Variants in ARL15 observed in about 807,000 individuals in gnomAD.
ARL15 encodes the protein ARF like GTPase 15, also known as ADP-ribosylation factor-like protein 15.
In ARL15, 19 loss-of-function variants were observed where a neutral mutation model predicts 25.2. That is an observed-to-expected ratio of 0.75 (90% CI 0.53 to 1.10). The LOEUF is 1.10. Among genes scored for constraint, ARL15 ranks in the 50% least tolerant of loss-of-function variants. ARL15 has a pLI of 0.00. For missense variants in ARL15, 220 were observed against 246.0 expected (o/e 0.89, Z 0.71); for synonymous variants, 94 against 86.8 (o/e 1.08, Z -0.46).
intron 1 of ARL15, among the ~76,000 whole-genome samples, chr5:54,260,967 G>A (rs896926339): frequency 1.3e-5 from 2 of 152,090 alleles, no homozygotes; most frequent in African/African-American, 4.8e-5. Flanking sequence ...TCAACAGTAT[G>A]AGCCAAAGAA....
At chr5:53,963,750 A>G (rs568989474) in intron 4 of ARL15, among the ~76,000 whole-genome samples, 1 of 151,322 alleles carries the variant, frequency 6.6e-6, no homozygotes, top group Admixed American at 6.6e-5. Flanking sequence ...GGAGGTTGCA[A>G]TGAGCCAAAA....
At chr5:54,296,840 G>A (rs1758478246) in intron 1 of ARL15, among the ~76,000 whole-genome samples, 1 of 152,220 alleles carries the variant, frequency 6.6e-6, no homozygotes, top group Non-Finnish European at 1.5e-5. Flanking sequence ...TGAAAGGTTG[G>A]GAGAAGAGAA....
chr5:54,039,731 G>A (rs999367508), intron 4 of ARL15, among the ~76,000 whole-genome samples: 1 of 148,844 alleles, frequency 6.7e-6, no homozygotes, highest in African/African-American at 2.5e-5. Context: ...GAACCCGGGA[G>A]GTGGAGGTTG....
chr5:54,190,596 A>G (rs1455727710), intron 1 of ARL15, among the ~76,000 whole-genome samples: 2 of 152,220 alleles, frequency 1.3e-5, no homozygotes, highest in Non-Finnish European at 2.9e-5. Context: ...GGCAGAAGAC[A>G]GAAGGATGAA....
intron 1 of ARL15, among the ~76,000 whole-genome samples, chr5:54,294,892 G>A (rs150396826): frequency 6.6e-6 from 1 of 152,158 alleles, no homozygotes; most frequent in Admixed American, 6.5e-5. Context: ...TGGATTTGGG[G>A]AAATAGAAAA....
At chr5:54,012,530 T>G (rs114183570) in intron 4 of ARL15, among the ~76,000 whole-genome samples, 4,888 of 151,578 alleles carry the variant, frequency 0.032, 270 homozygotes, top group African/African-American at 0.11. Flanking sequence ...TCTTTTCTTT[T>G]TTTTTTTTTT....
rs186572998 is a variant in ARL15 at position 54,080,768 on chromosome 5, T to C, written c.462+32434A>G. ...AGTGCTCTGAAACTCCCCCTGTCCT[T>C]TAAATGTCACAACAGAGGAGTGAGG... On this transcript the variant is annotated intron_variant, in intron 4 of 4. Transcript: ENST00000504924. 1.1e-3 allele frequency among the ~76,000 whole-genome samples: 170 copies of C among 152,292 alleles called. No individual in the cohort carries two copies. In the Middle Eastern group the frequency reaches 0.017, roughly 15 times the overall value.
chr5:53,906,563 A>G (rs1249235485), intron 4 of ARL15, among the ~76,000 whole-genome samples: 1 of 152,184 alleles, frequency 6.6e-6, no homozygotes, highest in African/African-American at 2.4e-5. Context: ...ACTTTCTCAC[A>G]AAGTATGTTA....
At chr5:54,267,640 T>A (rs1757664937) in intron 1 of ARL15, among the ~76,000 whole-genome samples, 2 of 152,016 alleles carry the variant, frequency 1.3e-5, no homozygotes, top group African/African-American at 2.4e-5. Flanking sequence ...ATTACTTTTT[T>A]TAAAAAAAAA....
chr5:54,071,292 T>C (rs1751410317), intron 4 of ARL15, among the ~76,000 whole-genome samples: 2 of 152,148 alleles, frequency 1.3e-5, no homozygotes, highest in Non-Finnish European at 2.9e-5. Context: ...AATGGTATCT[T>C]TAGATATACC....
intron 4 of ARL15, among the ~76,000 whole-genome samples, chr5:53,930,289 A>C (rs1203411413): frequency 6.6e-6 from 1 of 152,170 alleles, no homozygotes; most frequent in African/African-American, 2.4e-5. Flanking sequence ...CCTCCATCTT[A>C]ACCAAGCAGC....
intron 4 of ARL15, among the ~76,000 whole-genome samples, chr5:54,066,055 A>T (rs1456744903): frequency 6.6e-6 from 1 of 152,226 alleles, no homozygotes; most frequent in Admixed American, 6.5e-5. Context: ...CATTATTTCT[A>T]GCATCACAAT....
At chr5:53,905,624 T>TGC (rs1357118665) in intron 4 of ARL15, among the ~76,000 whole-genome samples, 1 of 152,222 alleles carries the variant, frequency 6.6e-6, no homozygotes, top group African/African-American at 2.4e-5. Context: ...GTAATCTTAG[T>TGC]GCTTTGCAGA....
intron 1 of ARL15, among the ~76,000 whole-genome samples, chr5:54,295,246 T>C (rs1194584280): frequency 2.6e-5 from 4 of 152,288 alleles, no homozygotes; most frequent in African/African-American, 7.2e-5. Context: ...TTATTTATGA[T>C]AAAACAGGAA....
chr5:54,268,315 C>T (rs1252594981), intron 1 of ARL15, among the ~76,000 whole-genome samples: 5 of 152,148 alleles, frequency 3.3e-5, no homozygotes, highest in Non-Finnish European at 5.9e-5. Context: ...CTTTCAGCTC[C>T]ATCAGCTCCT....
chr5:54,269,875 G>C (rs1757735777), intron 1 of ARL15, among the ~76,000 whole-genome samples: 1 of 152,172 alleles, frequency 6.6e-6, no homozygotes, highest in Non-Finnish European at 1.5e-5. Context: ...TCCAACGCCT[G>C]ACCTCCTGAT....
intron 4 of ARL15, among the ~76,000 whole-genome samples, chr5:54,065,379 G>A (rs1187665646): frequency 6.6e-6 from 1 of 152,144 alleles, no homozygotes; most frequent in Non-Finnish European, 1.5e-5. Context: ...AAACTGAGAT[G>A]TCCTGGCTGG....
rs1165430922 is a variant in ARL15, at chr5:53,991,456, C to T, written c.463-104743G>A. On this transcript the variant is annotated intron_variant, in intron 4 of 4. Transcript: ENST00000504924. ...ACTCAGGAGGCTAAGATAGGAGAATCGCTTGAACCTGGGAGGCGGAGGTTG... is the reference window on the plus strand; with the variant it reads ...ACTCAGGAGGCTAAGATAGGAGAATTGCTTGAACCTGGGAGGCGGAGGTTG... Among the ~76,000 whole-genome samples, 4 of 121,570 alleles carry T rather than the reference C, an allele frequency of 3.3e-5. No individual in the cohort carries two copies. The Admixed American group carries it at 3.6e-4, about 11-fold the overall frequency. The allele number at this position is 121,570 out of a possible 152,430, so 79.8% of individuals were successfully genotyped here.
chr5:54,285,519 C>T (rs1758160042), intron 1 of ARL15, among the ~76,000 whole-genome samples: 1 of 152,136 alleles, frequency 6.6e-6, no homozygotes, highest in Non-Finnish European at 1.5e-5. Context: ...TTTTAGAGAG[C>T]TATTTTTTAT....
Sources: gnomAD v4.1 joint callset for allele counts (sites outside exome capture counted in the v4.1 genomes callset) on GRCh38, gnomAD v4.1.1 for gene constraint, MANE v1.5 for transcripts, NCBI Gene and HGNC (gene_info 2026-07-23, HGNC 2026-07-21) for gene names.